Variants in SIDT1 observed in about 807,000 individuals in gnomAD.
The protein encoded by SIDT1 is SID1 transmembrane family, member 1.
A neutral mutation model predicts 107.5 loss-of-function variants in SIDT1; 101 were observed. The observed-to-expected ratio is 0.94, with a 90% CI of 0.80 to 1.11. SIDT1 has a LOEUF of 1.11. Among genes scored for constraint, SIDT1 ranks in the 50% least tolerant of loss-of-function variants. SIDT1 has a pLI of 0.00. For missense variants in SIDT1, 1,076 were observed against 1,058.2 expected, an observed-to-expected ratio of 1.02 and a Z score of -0.23; for synonymous variants, 395 against 398.2, an observed-to-expected ratio of 0.99 and a Z score of 0.10.
At chr3:113,573,461 G>A (rs1226023866) in intron 3 of SIDT1, among the ~76,000 whole-genome samples, 2 of 152,246 alleles carry the variant, frequency 1.3e-5, no homozygotes, top group African/African-American at 4.8e-5. Flanking sequence ...CTGAGAAACT[G>A]AAGCTATCAT....
intron 19 of SIDT1, chr3:113,615,138 G>A (rs1946011344): frequency 1.3e-6 from 2 of 1,512,768 alleles, no homozygotes; most frequent in Admixed American, 3.9e-5. Flanking sequence ...TGATCCACCT[G>A]GCTGTCCTGG....
intron 18 of SIDT1, 21 bp from the exon 19 acceptor site, chr3:113,612,065 A>C: frequency 1.3e-6 from 2 of 1,559,412 alleles, no homozygotes; most frequent in Non-Finnish European, 1.8e-6. Flanking sequence ...AGATGAAGGT[A>C]ACTTCCATCT....
intron 3 of SIDT1, chr3:113,568,002 A>T (rs1231579510): frequency 3.6e-6 from 1 of 279,622 alleles, no homozygotes; most frequent in East Asian, 7.0e-5. Context: ...TGGTGACTAA[A>T]TACTTTTGTA....
chr3:113,595,578 C>CAAAA (rs200311251), intron 10 of SIDT1, among the ~76,000 whole-genome samples: 5 of 130,092 alleles, frequency 3.8e-5, no homozygotes, highest in African/African-American at 1.1e-4. Context: ...GACCGTGTCT[C>CAAAA]AAAAAAAAAA....
intron 9 of SIDT1, among the ~76,000 whole-genome samples, chr3:113,586,104 G>A (rs370083286): frequency 2.2e-4 from 34 of 152,226 alleles, no homozygotes; most frequent in African/African-American, 7.5e-4. Flanking sequence ...ATACAACTAC[G>A]TATTTTAAGA....
Position 113,603,017 on chromosome 3 carries a change from C to A in SIDT1, c.1130C>A (p.Ser377Tyr). Reference sequence around the variant, plus strand: ...GTCTCTGTTTCAGATGAGTCAAGCTCCAGTCCTGGAAGGCAGATGTCCTCC... The same window carrying A: ...GTCTCTGTTTCAGATGAGTCAAGCTACAGTCCTGGAAGGCAGATGTCCTCC... ...SNYGTIDESS[S>Y]SPGRQMSSSD... The change falls in exon 12 of 25, where the codon TCC (serine) becomes TAC (tyrosine). Residue 377 changes from serine (S) to tyrosine (Y), a missense_variant. By Grantham distance (144) the Ser-to-Tyr change is moderately radical. Transcript: ENST00000264852. The A allele has an allele frequency of 6.2e-7, 1 of 1,614,006 alleles. No homozygotes were observed. Among genetic ancestry groups the A allele is most frequent in the Non-Finnish European group, 8.5e-7 (1 of 1,179,940 alleles).
At chr3:113,591,861 CTCA>C (rs1944180232) in intron 9 of SIDT1, among the ~76,000 whole-genome samples, 1 of 152,208 alleles carries the variant, frequency 6.6e-6, no homozygotes, top group African/African-American at 2.4e-5. Context: ...AACAGTATTA[CTCA>C]TGATAGCCAA....
intron 4 of SIDT1, 125 bp downstream of exon 4, chr3:113,577,092 GTA>G: frequency 1.2e-6 from 1 of 852,886 alleles, no homozygotes; most frequent in Non-Finnish European, 2.0e-6. Context: ...ACAACTTGAA[GTA>G]TATTTGTATT....
At chr3:113,630,973 T>C (rs1205100501), downstream of SIDT1, among the ~76,000 whole-genome samples, 1 of 152,164 alleles carries the variant, frequency 6.6e-6, no homozygotes, top group African/African-American at 2.4e-5. Flanking sequence ...CTCTTCATCT[T>C]CAGAGACACT....
At chr3:113,616,551 T>A (rs1237470785) in intron 20 of SIDT1, among the ~76,000 whole-genome samples, 1 of 152,020 alleles carries the variant, frequency 6.6e-6, no homozygotes, top group Non-Finnish European at 1.5e-5. Context: ...AGCTAATGAA[T>A]GCTGGGCTTC....
Position 113,581,412 on chromosome 3 carries a change from T to C in SIDT1, c.715T>C (p.Ser239Pro). The C allele has an allele frequency of 1.2e-6, 2 of 1,614,138 alleles. No individual in the cohort carries two copies. The highest frequency in any genetic ancestry group is 1.7e-6 in the Non-Finnish European group (2 of 1,179,976). Reference protein sequence around the residue: ...HNVEFNGVYQSMTKKAAITLQ... With the variant: ...HNVEFNGVYQPMTKKAAITLQ... Reference sequence around the variant, plus strand: ...TGTGGAATTTAATGGTGTCTATCAGTCCATGACCAAGAAAGCTGCCATCAC... The same window carrying C: ...TGTGGAATTTAATGGTGTCTATCAGCCCATGACCAAGAAAGCTGCCATCAC... Residue 239 changes from serine (S) to proline (P), a missense_variant, in exon 6 of 25, where the codon TCC becomes CCC. Ser to Pro is a moderately conservative substitution (Grantham distance 74). Coordinates refer to ENST00000264852, the MANE Select transcript of SIDT1 (RefSeq NM_017699.3).
At chr3:113,612,342 G>A (rs745583401) in intron 19 of SIDT1, 148 bp downstream of exon 19, 22 of 695,804 alleles carry the variant, frequency 3.2e-5, no homozygotes, top group African/African-American at 1.8e-4. Flanking sequence ...GCACATATTC[G>A]CTCCAAGAGC....
chr3:113,533,040 C>CT lies in SIDT1; in HGVS notation c.20dup (p.Ala8ArgfsTer80). ...GCCCACCATGCGCGGCTGCCTGCGG[C>CT]TCGCGCTGCTCTGCGCGCTGCCCTG... On this transcript the variant is annotated frameshift_variant, in exon 1 of 25. Transcript: ENST00000264852. LOFTEE classifies it high-confidence loss of function. 1 of 1,384,924 alleles carries CT rather than the reference C, an allele frequency of 7.2e-7. No homozygotes were observed. Among genetic ancestry groups the CT allele is most frequent in the Non-Finnish European group, 9.3e-7 (1 of 1,072,372 alleles). The allele number at this position is 1,384,924 out of a possible 1,614,324, so 85.8% of individuals were successfully genotyped here.
intron 14 of SIDT1, chr3:113,606,290 A>C (rs1380600913): frequency 6.6e-6 from 1 of 152,184 alleles, no homozygotes; most frequent in East Asian, 1.9e-4. Flanking sequence ...GTCACCTGGG[A>C]AGCTTTTACA....
At chr3:113,582,292 T>G (rs1943416944) in intron 6 of SIDT1, among the ~76,000 whole-genome samples, 1 of 152,164 alleles carries the variant, frequency 6.6e-6, no homozygotes, top group Non-Finnish European at 1.5e-5. Flanking sequence ...GGTACTTACT[T>G]AAAGTACCTG....
At chr3:113,548,027 T>C (rs1175255708) in intron 1 of SIDT1, among the ~76,000 whole-genome samples, 1 of 152,096 alleles carries the variant, frequency 6.6e-6, no homozygotes, top group Non-Finnish European at 1.5e-5. Context: ...CCTGGTTGTC[T>C]GGGGTACTTA....
chr3:113,539,752 G>T (rs1398416787), intron 1 of SIDT1, among the ~76,000 whole-genome samples: 1 of 152,000 alleles, frequency 6.6e-6, no homozygotes, highest in African/African-American at 2.4e-5. Context: ...GGAATAAAAA[G>T]GTTATTTGGG....
chr3:113,558,342 T>A (rs1334890781), intron 1 of SIDT1, among the ~76,000 whole-genome samples: 1 of 152,176 alleles, frequency 6.6e-6, no homozygotes, highest in Non-Finnish European at 1.5e-5. Context: ...GGATAATTTG[T>A]TTCCTGTTTT....
At chr3:113,617,844 C>A (rs1368179037) in intron 20 of SIDT1, among the ~76,000 whole-genome samples, 3 of 152,178 alleles carry the variant, frequency 2.0e-5, no homozygotes, top group Non-Finnish European at 2.9e-5. Flanking sequence ...CTGCCCCCAA[C>A]TCCCCACATG....
Sources: gnomAD v4.1 joint callset for allele counts (sites outside exome capture counted in the v4.1 genomes callset) on GRCh38, gnomAD v4.1.1 for gene constraint, MANE v1.5 for transcripts, NCBI Gene and HGNC (gene_info 2026-07-23, HGNC 2026-07-21) for gene names.